BEND2: variants seen among roughly 807,000 people sequenced by gnomAD.
The protein encoded by BEND2 is BEN domain containing 2.
A neutral mutation model predicts 43.8 loss-of-function variants in BEND2; 19 were observed. The ratio of observed to expected loss-of-function variants is 0.43; its 90% confidence interval spans 0.30 to 0.64. The LOEUF (loss-of-function observed/expected upper bound fraction) is 0.64. BEND2 is among the 30% of genes least tolerant of loss of function. The pLI is 0.11. For synonymous variants in BEND2, 226 were observed against 210.1 expected, an observed-to-expected ratio of 1.08 and a Z score of -0.66; for missense variants, 544 against 574.0, an observed-to-expected ratio of 0.95 and a Z score of 0.53.
chrX:18,219,428 T>C (rs776550957), intron 1 of BEND2, among the ~76,000 whole-genome samples: 23 of 112,718 alleles, frequency 2.0e-4, no homozygotes, highest in South Asian at 1.1e-3. Context: ...TCTCCCAACT[T>C]CCGCCTCTGT....
At chrX:18,184,042 C>A (rs1410484505) in intron 8 of BEND2, among the ~76,000 whole-genome samples, 2 of 111,550 alleles carry the variant, frequency 1.8e-5, no homozygotes, top group African/African-American at 6.5e-5. Flanking sequence ...GCGGTTACAG[C>A]GAGCCTTGGG....
In BEND2 at chrX:18,203,552, T is replaced by A. The variant is rs188890114; in HGVS notation, c.856A>T (p.Asn286Tyr). 1.3e-5 allele frequency: 16 copies of A among 1,209,533 alleles called. No homozygotes were observed. The highest frequency in any genetic ancestry group is 1.8e-5 in the Non-Finnish European group (16 of 894,908). ...VNYSALPENENVGPGRALSSF... is the reference protein window; with the variant it reads ...VNYSALPENEYVGPGRALSSF... Reference sequence around the variant, plus strand: ...GACAAGGCTCTACCTGGGCCCACATTTTCATTTTCTGGTAGAGCAGAGTAA... The same window carrying A: ...GACAAGGCTCTACCTGGGCCCACATATTCATTTTCTGGTAGAGCAGAGTAA... The change falls in exon 5 of 14, where the codon AAT becomes TAT. Residue 286 changes from asparagine to tyrosine, a missense_variant. Around this residue, in one of 2 missense-constraint regions of BEND2, gnomAD observed 501 missense variants for 501.6 expected, o/e 1.00. Coordinates refer to ENST00000380033, the MANE Select transcript of BEND2 (RefSeq NM_153346.5).
At chrX:18,185,488 G>A (rs189157259) in intron 8 of BEND2, among the ~76,000 whole-genome samples, 261 of 107,681 alleles carry the variant, frequency 2.4e-3, no homozygotes, top group Non-Finnish European at 3.9e-3. Flanking sequence ...CTGAGATCAC[G>A]CCACTGCACT....
intron 1 of BEND2, among the ~76,000 whole-genome samples, chrX:18,220,154 C>T (rs1925819838): frequency 8.9e-6 from 1 of 111,854 alleles, no homozygotes; most frequent in Admixed American, 9.4e-5. Context: ...ACCCAAAGCA[C>T]CCCCTCAGAA....
rs1602020037 is a variant in BEND2, at chrX:18,162,974, CAA to C, written c.*2033_*2034del. The C allele has an allele frequency of 8.9e-6, 1 of 111,835 alleles. No individual in the cohort carries two copies. Among genetic ancestry groups the C allele is most frequent in the African/African-American group, 3.2e-5 (1 of 30,821 alleles). The allele number at this position is 111,835 out of a possible 1,213,427, so 9.2% of individuals were successfully genotyped here. Reference sequence around the variant, plus strand: ...TTATTTATTGTATCTATTTGGGAAACAAAACATTAAAGATACATTTATTTATC... The same window carrying C: ...TTATTTATTGTATCTATTTGGGAAACAACATTAAAGATACATTTATTTATC... On this transcript the variant is annotated 3_prime_UTR_variant, in exon 14 of 14. Coordinates refer to ENST00000380033, the MANE Select transcript of BEND2 (RefSeq NM_153346.5).
At chrX:18,194,976 C>CACACACAT (rs1924890570) in intron 7 of BEND2, among the ~76,000 whole-genome samples, 1 of 76,175 alleles carries the variant, frequency 1.3e-5, no homozygotes, top group African/African-American at 4.9e-5. Context: ...GTACTAAACA[C>CACACACAT]ACACACACAC....
Position 18,171,060 on chromosome X carries a change from T to C in BEND2, c.2126A>G (p.Tyr709Cys). The change falls in exon 13 of 14, where the codon TAT becomes TGT. Residue 709 changes from tyrosine (Y) to cysteine (C), a missense_variant. Physicochemically the swap from Tyr to Cys is radical, Grantham distance 194. This residue lies in a region of BEND2 where 501 missense variants were observed against 501.6 expected (regional missense o/e 1.00). Transcript: ENST00000380033. ...ACACAGGCCATGCTTCAGATTGCCATAGACGTTACTTTGGACCAGGACATC... is the reference window on the plus strand; with the variant it reads ...ACACAGGCCATGCTTCAGATTGCCACAGACGTTACTTTGGACCAGGACATC... ...TKDVLVQSNV[Y>C]GNLKHGLCAL... 1.7e-6 allele frequency: 2 copies of C among 1,212,056 alleles called. No homozygotes were observed. Among genetic ancestry groups the C allele is most frequent in the Non-Finnish European group, 2.2e-6 (2 of 895,341 alleles).
At chrX:18,176,235 C>G (rs1924148769) in intron 10 of BEND2, 142 bp from the exon 11 acceptor site, 2 of 455,152 alleles carry the variant, frequency 4.4e-6, no homozygotes, top group Admixed American at 5.2e-5. Flanking sequence ...CTTTCTACTT[C>G]TCATCCTTTT....
At chrX:18,201,640 C>T (rs778415618) in intron 6 of BEND2, among the ~76,000 whole-genome samples, 175 bp downstream of exon 6, 3 of 107,232 alleles carry the variant, frequency 2.8e-5, no homozygotes, top group South Asian at 4.4e-4. Flanking sequence ...TACAGGTGCC[C>T]GCCACCACAC....
At chrX:18,219,313 A>G (rs1925775188) in intron 1 of BEND2, among the ~76,000 whole-genome samples, 1 of 112,851 alleles carries the variant, frequency 8.9e-6, no homozygotes, top group South Asian at 3.7e-4. Context: ...ATCCGCCACC[A>G]GCCAAATCAG....
chrX:18,217,643 C>G (rs1173388052), intron 1 of BEND2, among the ~76,000 whole-genome samples: 1 of 110,986 alleles, frequency 9.0e-6, no homozygotes, highest in Non-Finnish European at 1.9e-5. Flanking sequence ...TTAAGAGTCA[C>G]TCTGAAGTCT....
At chrX:18,169,317 T>C (rs1458015394) in intron 13 of BEND2, among the ~76,000 whole-genome samples, 1 of 110,609 alleles carries the variant, frequency 9.0e-6, no homozygotes, top group Non-Finnish European at 1.9e-5. Context: ...GGATGATGAG[T>C]TGGAGTGTTA....
chrX:18,172,349 T>G (rs1463400458), intron 12 of BEND2, among the ~76,000 whole-genome samples: 4 of 111,086 alleles, frequency 3.6e-5, no homozygotes, highest in African/African-American at 6.5e-5. Context: ...CTCTTTAACC[T>G]GGTAATTCAA....
intron 11 of BEND2, 83 bp from the exon 12 acceptor site, chrX:18,174,341 CA>C: frequency 1.1e-6 from 1 of 894,753 alleles, no homozygotes; most frequent in Non-Finnish European, 1.6e-6. Context: ...CCAGGCCCAC[CA>C]GGTTGCTAGG....
At chrX:18,204,996 A>G (rs1342792270) in intron 4 of BEND2, among the ~76,000 whole-genome samples, 2 of 111,751 alleles carry the variant, frequency 1.8e-5, no homozygotes, top group African/African-American at 6.5e-5. Context: ...AATATAACAG[A>G]TGTGACTTTT....
chrX:18,185,799 G>T (rs1458981518), intron 8 of BEND2, among the ~76,000 whole-genome samples: 1 of 110,110 alleles, frequency 9.1e-6, no homozygotes, highest in East Asian at 2.9e-4. Flanking sequence ...AATCTTGCAG[G>T]CCAGGAGAGA....
chrX:18,209,958 C>T (rs1268971646), intron 4 of BEND2, among the ~76,000 whole-genome samples: 1 of 110,879 alleles, frequency 9.0e-6, no homozygotes, highest in Admixed American at 9.8e-5. Context: ...GAAGCTGTGT[C>T]AAGCATATAT....
chrX:18,206,479 A>G lies in BEND2; in HGVS notation c.493-2564T>C, dbSNP rs773682400. Among the ~76,000 whole-genome samples the G allele has an allele frequency of 3.6e-5, 4 of 110,878 alleles. No individual in the cohort carries two copies. In the East Asian group the frequency reaches 1.1e-3, roughly 32 times the overall value. ...GAGAGAGTGAGGATGACAGCAAAGG[A>G]GGGATGGGAGGCAAGAGAAGTGGCT... On this transcript the variant is annotated intron_variant, in intron 4 of 13. Transcript: ENST00000380033.
intron 8 of BEND2, among the ~76,000 whole-genome samples, chrX:18,183,783 T>C (rs1235014102): frequency 9.0e-6 from 1 of 111,729 alleles, no homozygotes; most frequent in Non-Finnish European, 1.9e-5. Context: ...TCTCTGCTTG[T>C]AGAAACGGGA....
Sources: gnomAD v4.1 joint callset for allele counts (sites outside exome capture counted in the v4.1 genomes callset) on GRCh38, gnomAD v4.1.1 for gene constraint, gnomAD v4.1.1 regional missense constraint, MANE v1.5 for transcripts, NCBI Gene and HGNC (gene_info 2026-07-23, HGNC 2026-07-21) for gene names.